Variants in MC2R observed in about 807,000 individuals in gnomAD.
MC2R encodes the protein adrenocorticotropic hormone receptor.
MC2R carries 9 observed loss-of-function variants against 9.8 expected under a neutral mutation model. That is an observed-to-expected ratio of 0.92 (90% confidence interval 0.55 to 1.60). The LOEUF (loss-of-function observed/expected upper bound fraction) is 1.60. MC2R is among the 40% of genes most tolerant of loss of function. The pLI, the probability that MC2R is intolerant of heterozygous loss-of-function variation, is 0.00. For missense variants in MC2R, 370 were observed against 389.0 expected, an observed-to-expected ratio of 0.95 and a Z score of 0.41; for synonymous variants, 185 against 154.7, an observed-to-expected ratio of 1.20 and a Z score of -1.45.
At chr18:13,891,884 G>A (rs2045317658) in intron 1 of MC2R, among the ~76,000 whole-genome samples, 1 of 152,168 alleles carries the variant, frequency 6.6e-6, no homozygotes, top group Admixed American at 6.6e-5. Context: ...ACTGATTAGT[G>A]CTTCTATTTC....
At chr18:13,907,792 C>T (rs1378641197) in intron 1 of MC2R, among the ~76,000 whole-genome samples, 3 of 152,134 alleles carry the variant, frequency 2.0e-5, no homozygotes, top group African/African-American at 4.8e-5. Context: ...CAAAGCATCA[C>T]TAATCATCAG....
chr18:13,890,101 C>T (rs28634821), intron 1 of MC2R, among the ~76,000 whole-genome samples: 3 of 152,112 alleles, frequency 2.0e-5, no homozygotes, highest in Non-Finnish European at 4.4e-5. Context: ...CTGACCAAAT[C>T]AGGATGGTTT....
intron 1 of MC2R, among the ~76,000 whole-genome samples, chr18:13,897,747 A>T (rs890251128): frequency 3.3e-5 from 5 of 152,080 alleles, no homozygotes; most frequent in African/African-American, 7.2e-5. Context: ...TAAATCCTGG[A>T]CAACATTTCT....
At chr18:13,895,023 G>A (rs143944851) in intron 1 of MC2R, among the ~76,000 whole-genome samples, 99 of 151,562 alleles carry the variant, frequency 6.5e-4, no homozygotes, top group African/African-American at 2.3e-3. Flanking sequence ...CTGAGCAGCC[G>A]GGCAGTGCCC....
chr18:13,895,858 G>A (rs767075681), intron 1 of MC2R, among the ~76,000 whole-genome samples: 1 of 152,188 alleles, frequency 6.6e-6, no homozygotes, highest in Non-Finnish European at 1.5e-5. Context: ...ACACCATGAG[G>A]CAGCGAGAAG....
chr18:13,910,698 T>G (rs770588442), intron 1 of MC2R, among the ~76,000 whole-genome samples: 1 of 152,222 alleles, frequency 6.6e-6, no homozygotes, highest in Middle Eastern at 3.2e-3. Context: ...GTCCCTGGTC[T>G]AGTCCTGGCT....
intron 1 of MC2R, among the ~76,000 whole-genome samples, chr18:13,912,476 G>A (rs906414554): frequency 6.6e-6 from 1 of 152,166 alleles, no homozygotes; most frequent in Non-Finnish European, 1.5e-5. Flanking sequence ...TAGGAGGACC[G>A]GGTCAGGTTG....
intron 1 of MC2R, among the ~76,000 whole-genome samples, chr18:13,897,196 T>C (rs2045350827): frequency 6.6e-6 from 1 of 152,170 alleles, no homozygotes; most frequent in Admixed American, 6.5e-5. Context: ...AGAGCATCTC[T>C]GGATGCTGGG....
Position 13,885,010 on chromosome 18 carries a change from T to A in MC2R, c.509A>T (p.His170Leu). Reference protein sequence around the residue: ...GTGITMVIFSHHVPTVITFTS... With the variant: ...GTGITMVIFSLHVPTVITFTS... The stretch of plus-strand genomic sequence containing the variant: ...GAAGGTGATCACTGTGGGCACATGA[T>A]GGGAGAAGATCACCATGGTGATGCC... The change falls in exon 2 of 2, where the codon CAT becomes CTT. Residue 170 changes from histidine to leucine, a missense_variant. Transcript: ENST00000327606. 13 of 1,614,136 alleles carry A rather than the reference T, an allele frequency of 8.1e-6. No homozygotes were observed. Among genetic ancestry groups the A allele is most frequent in the Non-Finnish European group, 1.1e-5 (13 of 1,180,030 alleles).
At chr18:13,911,511 G>C (rs564855589) in intron 1 of MC2R, among the ~76,000 whole-genome samples, 1 of 152,192 alleles carries the variant, frequency 6.6e-6, no homozygotes, top group Admixed American at 6.5e-5. Flanking sequence ...AAAATTTGCT[G>C]GGTATCTTTG....
At chr18:13,914,916 G>T (rs1402371955) in intron 1 of MC2R, among the ~76,000 whole-genome samples, 2 of 152,222 alleles carry the variant, frequency 1.3e-5, no homozygotes, top group South Asian at 2.1e-4. Context: ...TGCACCCCGT[G>T]TTGCTGCCTA....
chr18:13,904,602 G>A (rs2045401608), intron 1 of MC2R, among the ~76,000 whole-genome samples: 1 of 116,128 alleles, frequency 8.6e-6, no homozygotes, highest in Admixed American at 8.5e-5. Flanking sequence ...CATGCTACCT[G>A]ATTTCAAACT....
chr18:13,895,734 G>A lies in MC2R; in HGVS notation c.-128-10088C>T, dbSNP rs544475322. Among the ~76,000 whole-genome samples, 3 of 152,312 alleles carry A rather than the reference G, an allele frequency of 2.0e-5. No homozygotes were observed. In the South Asian group the frequency reaches 6.2e-4, roughly 32 times the overall value. On this transcript the variant is annotated intron_variant, in intron 1 of 1. Transcript: ENST00000327606. Reference sequence around the variant, plus strand: ...GTTTTGGCCCGGAGCTCCAGGGGTGGTTAGCACCCTGGGAAGGCTGCATGT... The same window carrying A: ...GTTTTGGCCCGGAGCTCCAGGGGTGATTAGCACCCTGGGAAGGCTGCATGT...
At chr18:13,906,198 G>A (rs1399838990) in intron 1 of MC2R, among the ~76,000 whole-genome samples, 2 of 152,226 alleles carry the variant, frequency 1.3e-5, no homozygotes, top group Non-Finnish European at 2.9e-5. Context: ...ATCAATGATA[G>A]ACTGGATAAA....
At chr18:13,912,391 G>A (rs1372859520) in intron 1 of MC2R, among the ~76,000 whole-genome samples, 3 of 152,082 alleles carry the variant, frequency 2.0e-5, no homozygotes, top group African/African-American at 7.2e-5. Context: ...GTCTGTGCTC[G>A]CTTGGTTATT....
chr18:13,888,790 A>G (rs1305062013), intron 1 of MC2R, among the ~76,000 whole-genome samples: 1 of 152,184 alleles, frequency 6.6e-6, no homozygotes, highest in Non-Finnish European at 1.5e-5. Context: ...GAAGAAGCAA[A>G]ACTCACTCCA....
intron 1 of MC2R, among the ~76,000 whole-genome samples, chr18:13,903,685 G>C (rs972060251): frequency 6.6e-6 from 1 of 152,200 alleles, no homozygotes; most frequent in Non-Finnish European, 1.5e-5. Flanking sequence ...GAAAGTTAGT[G>C]TATGTGTGGG....
At position 13,884,667 on chromosome 18, in the gene MC2R, C is replaced by G; in HGVS notation, c.852G>C (p.Arg284Ser). ...AGAAGATCATCTTTTTGAATGCGTC[C>G]CTGAGCTCTGGGCTCCGGAAGGCAT... ...FIYAFRSPEL[R>S]DAFKKMIFCS... is the part of the protein sequence containing the mutation. The change falls in exon 2 of 2, where the codon AGG becomes AGC. Residue 284 changes from arginine to serine, a missense_variant. Coordinates refer to ENST00000327606, the MANE Select transcript of MC2R (RefSeq NM_000529.2). The G allele has an allele frequency of 6.2e-7, 1 of 1,613,844 alleles. No individual in the cohort carries two copies. Among genetic ancestry groups the G allele is most frequent in the South Asian group, 1.1e-5 (1 of 91,066 alleles).
chr18:13,914,896 T>G (rs972378664), intron 1 of MC2R, among the ~76,000 whole-genome samples: 2 of 152,226 alleles, frequency 1.3e-5, no homozygotes, highest in Non-Finnish European at 2.9e-5. Flanking sequence ...CTTTTAGTTA[T>G]TGTTTATCCT....
Sources: gnomAD v4.1 joint callset for allele counts (sites outside exome capture counted in the v4.1 genomes callset) on GRCh38, gnomAD v4.1.1 for gene constraint, MANE v1.5 for transcripts, NCBI Gene and HGNC (gene_info 2026-07-23, HGNC 2026-07-21) for gene names.